Variants in SCAF8 observed in about 807,000 individuals in gnomAD.
SCAF8 encodes SR-related and CTD-associated factor 8.
Under a neutral mutation model 140.5 loss-of-function variants are expected in SCAF8, and 23 were observed. That is an observed-to-expected ratio of 0.16 (90% CI 0.12 to 0.23). The LOEUF is 0.23. Among genes scored for constraint, SCAF8 ranks in the 10% least tolerant of loss-of-function variants. The pLI, the probability that SCAF8 is intolerant of heterozygous loss-of-function variation, is 1.00. For synonymous variants in SCAF8, 575 were observed against 528.9 expected, an observed-to-expected ratio of 1.09 and a Z score of -1.20; for missense variants, 1,397 against 1,555.7, an observed-to-expected ratio of 0.90 and a Z score of 1.72.
intron 17 of SCAF8, among the ~76,000 whole-genome samples, chr6:154,826,023 G>A (rs1249295070): frequency 6.6e-6 from 1 of 152,056 alleles, no homozygotes; most frequent in African/African-American, 2.4e-5. Flanking sequence ...AATACGGTAT[G>A]TTGACTTCTG....
At chr6:154,754,403 T>G (rs1052016849) in intron 1 of SCAF8, among the ~76,000 whole-genome samples, 16 of 152,350 alleles carry the variant, frequency 1.1e-4, no homozygotes, top group African/African-American at 3.8e-4. Flanking sequence ...CTTTTTGTTT[T>G]GTTTTTGGAA....
chr6:154,781,219 T>C (rs1777075242), intron 3 of SCAF8, among the ~76,000 whole-genome samples: 2 of 152,148 alleles, frequency 1.3e-5, no homozygotes, highest in Admixed American at 1.3e-4. Context: ...AGCCACGTTA[T>C]GAATGAACTC....
chr6:154,739,357 C>T (rs1003753470), intron 1 of SCAF8, among the ~76,000 whole-genome samples: 1 of 152,120 alleles, frequency 6.6e-6, no homozygotes, highest in African/African-American at 2.4e-5. Context: ...TACCATTAAT[C>T]ACACTTCAAA....
chr6:154,761,070 G>A (rs923879936), intron 1 of SCAF8, among the ~76,000 whole-genome samples: 5 of 152,082 alleles, frequency 3.3e-5, no homozygotes, highest in African/African-American at 9.7e-5. Flanking sequence ...CCAGAGTGGT[G>A]TTGGGATTTA....
At chr6:154,803,000 A>T (rs1002971629) in intron 7 of SCAF8, among the ~76,000 whole-genome samples, 1 of 152,208 alleles carries the variant, frequency 6.6e-6, no homozygotes, top group Non-Finnish European at 1.5e-5. Context: ...ATATCATACT[A>T]CTTGGAAGTG....
At position 154,832,522 on chromosome 6, in the gene SCAF8, A is replaced by G. The variant is rs1259498878; in HGVS notation, c.2943A>G (p.Arg981=). The G allele has an allele frequency of 6.2e-7, 1 of 1,613,766 alleles. No homozygotes were observed. The highest frequency in any genetic ancestry group is 8.5e-7 in the Non-Finnish European group (1 of 1,179,934). Residue 981 remains arginine, a synonymous_variant, in exon 20 of 20, where the codon AGA becomes AGG. Coordinates refer to ENST00000367178, the MANE Select transcript of SCAF8 (RefSeq NM_014892.5). ...PPGDIFSQPE[R]PFLAPGRQSV... is the part of the protein sequence containing the mutation. ...GAGATATTTTTAGTCAACCAGAAAGACCTTTTTTAGCTCCTGGAAGACAAA... is the reference window on the plus strand; with the variant it reads ...GAGATATTTTTAGTCAACCAGAAAGGCCTTTTTTAGCTCCTGGAAGACAAA...
At chr6:154,830,834 CATTAA>C (rs1778708976) in intron 18 of SCAF8, 83 bp from the exon 19 acceptor site, 2 of 903,648 alleles carry the variant, frequency 2.2e-6, no homozygotes, top group African/African-American at 1.7e-5. Flanking sequence ...ACAGAGATGC[CATTAA>C]ATTAAATACT....
intron 1 of SCAF8, among the ~76,000 whole-genome samples, chr6:154,759,272 T>G (rs963059396): frequency 6.6e-6 from 1 of 152,228 alleles, no homozygotes; most frequent in Non-Finnish European, 1.5e-5. Flanking sequence ...TTTAATTCCC[T>G]CTATTCCAAG....
At position 154,733,701 on chromosome 6, in the gene SCAF8, T is replaced by G. The variant is rs1482487956; in HGVS notation, c.-200T>G. The G allele has an allele frequency of 9.1e-7, 1 of 1,104,136 alleles. No homozygotes were observed. The highest frequency in any genetic ancestry group is 1.1e-6 in the Non-Finnish European group (1 of 903,300). 68.4% of individuals were successfully genotyped at this position (1,104,136 alleles called of 1,614,324 possible). Reference sequence around the variant, plus strand: ...GGCGCTCCCCCCGCCCTAGCGGCCATGCCGGTGCCGCTCTGCCGCTGAGGG... The same window carrying G: ...GGCGCTCCCCCCGCCCTAGCGGCCAGGCCGGTGCCGCTCTGCCGCTGAGGG... On this transcript the variant is annotated 5_prime_UTR_variant, in exon 1 of 20. It removes an upstream start codon present in the reference 5' UTR. Coordinates refer to ENST00000367178, the MANE Select transcript of SCAF8 (RefSeq NM_014892.5).
intron 5 of SCAF8, among the ~76,000 whole-genome samples, chr6:154,794,119 G>A (rs918107640): frequency 2.0e-5 from 3 of 151,822 alleles, no homozygotes; most frequent in African/African-American, 4.8e-5. Context: ...TGTTAGAGAC[G>A]GAGTCTTGCT....
chr6:154,778,768 A>ATTGT (rs201081536), intron 3 of SCAF8, among the ~76,000 whole-genome samples: 1 of 117,470 alleles, frequency 8.5e-6, no homozygotes, highest in East Asian at 2.4e-4. Flanking sequence ...TGTCTCAAAA[A>ATTGT]ATGTGTGTGT....
chr6:154,777,714 T>C (rs989097145), intron 2 of SCAF8, among the ~76,000 whole-genome samples: 1 of 152,242 alleles, frequency 6.6e-6, no homozygotes, highest in Admixed American at 6.5e-5. Flanking sequence ...CAACTGTTTG[T>C]TAAAGTATGC....
At chr6:154,810,919 G>T (rs896119508) in intron 12 of SCAF8, among the ~76,000 whole-genome samples, 1 of 152,148 alleles carries the variant, frequency 6.6e-6, no homozygotes, top group East Asian at 1.9e-4. Context: ...AACATTGATT[G>T]TGTTATCTAA....
At chr6:154,753,359 C>T (rs973903257) in intron 1 of SCAF8, among the ~76,000 whole-genome samples, 7 of 152,096 alleles carry the variant, frequency 4.6e-5, no homozygotes, top group South Asian at 2.1e-4. Flanking sequence ...CCCAGTTACT[C>T]GGGAGGCTGA....
At chr6:154,819,404 A>G (rs1778349550) in intron 14 of SCAF8, among the ~76,000 whole-genome samples, 1 of 152,114 alleles carries the variant, frequency 6.6e-6, no homozygotes, top group African/African-American at 2.4e-5. Flanking sequence ...AGCCTGGACA[A>G]CATGGCGAGA....
In SCAF8 at chr6:154,774,023, C is replaced by T; in HGVS notation, c.65C>T (p.Ser22Leu). 1 of 1,612,952 alleles carries T rather than the reference C, an allele frequency of 6.2e-7. No individual in the cohort carries two copies. The highest frequency in any genetic ancestry group is 8.5e-7 in the Non-Finnish European group (1 of 1,179,232). ...CTGAATGACTATAAACCACCCATTT[C>T]GAAAGCGAAAATGACCCAAATTACT... ...YSLNDYKPPISKAKMTQITKA... is the reference protein window; with the variant it reads ...YSLNDYKPPILKAKMTQITKA... Residue 22 changes from serine (S) to leucine (L), a missense_variant, in exon 2 of 20, where the codon TCG becomes TTG. By Grantham distance (145) the Ser-to-Leu change is moderately radical. Transcript: ENST00000367178.
intron 14 of SCAF8, among the ~76,000 whole-genome samples, 186 bp downstream of exon 14, chr6:154,818,778 G>T (rs137868185): frequency 6.6e-6 from 1 of 152,066 alleles, no homozygotes; most frequent in Non-Finnish European, 1.5e-5. Flanking sequence ...GTTTCAGTTC[G>T]TTGAGTTATA....
At chr6:154,826,912 A>G (rs920018657) in intron 17 of SCAF8, among the ~76,000 whole-genome samples, 1 of 152,220 alleles carries the variant, frequency 6.6e-6, no homozygotes, top group African/African-American at 2.4e-5. Flanking sequence ...TTACAGCACC[A>G]TAGAGCATGC....
At chr6:154,795,190 C>G in intron 6 of SCAF8, 51 bp downstream of exon 6, 3 of 1,501,480 alleles carry the variant, frequency 2.0e-6, no homozygotes, top group Non-Finnish European at 2.7e-6. Context: ...TAATATTTTC[C>G]TAATGTATTA....
Sources: allele counts gnomAD v4.1 joint callset (sites outside exome capture counted in the v4.1 genomes callset), GRCh38; gene constraint gnomAD v4.1.1; transcripts MANE v1.5; gene names NCBI Gene and HGNC (gene_info 2026-07-23, HGNC 2026-07-21).